The following ZRANB3 variants were observed in gnomAD, a reference collection of about 807,000 sequenced individuals.
ZRANB3 encodes zinc finger RANBP2-type containing 3.
A neutral mutation model predicts 133.8 loss-of-function variants in ZRANB3; 125 were observed. That is an observed-to-expected ratio of 0.93 (90% CI 0.81 to 1.08). The LOEUF is 1.08. Among genes scored for constraint, ZRANB3 ranks in the 50% least tolerant of loss-of-function variants. The pLI is 0.00. For missense variants in ZRANB3, 1,229 were observed against 1,275.5 expected (o/e 0.96, Z 0.56); for synonymous variants, 387 against 432.7 (o/e 0.89, Z 1.31).
chr2:135,511,936 A>G lies in ZRANB3; in HGVS notation c.-7-7440T>C, dbSNP rs936556722. Reference sequence around the variant, plus strand: ...AACCAGCAGGGGACTAGCCTTCTCCATCACCATTGCTTTGGTCAATTCAAA... The same window carrying G: ...AACCAGCAGGGGACTAGCCTTCTCCGTCACCATTGCTTTGGTCAATTCAAA... On this transcript the variant is annotated intron_variant, in intron 1 of 20. Coordinates refer to ENST00000264159, the MANE Select transcript of ZRANB3 (RefSeq NM_032143.4). The G allele has an allele frequency of 7.4e-5, 56 of 755,906 alleles. No homozygotes were observed. In the Admixed American group the frequency reaches 9.1e-4, roughly 12 times the overall value. The allele number at this position is 755,906 out of a possible 1,614,324, so 46.8% of individuals were successfully genotyped here. A position where few individuals can be genotyped will look rare whatever the true frequency, so the allele number is the denominator to read the frequency against.
At chr2:135,490,087 G>A (rs928001294) in intron 2 of ZRANB3, among the ~76,000 whole-genome samples, 2 of 152,146 alleles carry the variant, frequency 1.3e-5, no homozygotes, top group African/African-American at 4.8e-5. Flanking sequence ...CTTCTAAGTA[G>A]AAAAAAATCC....
chr2:135,214,751 A>T (rs1283173180), intron 17 of ZRANB3, among the ~76,000 whole-genome samples: 1 of 152,154 alleles, frequency 6.6e-6, no homozygotes, highest in Non-Finnish European at 1.5e-5. Context: ...ATATATTTTA[A>T]ATGTATTTTT....
Position 135,217,527 on chromosome 2 carries a change from A to G in ZRANB3, c.2433T>C (p.Cys811=). The G allele has an allele frequency of 1.2e-6, 2 of 1,613,800 alleles. No homozygotes were observed. The highest frequency in any genetic ancestry group is 1.7e-6 in the Non-Finnish European group (2 of 1,179,828). ...RIIRKSGQLF[C]SPILALEEIT... ...TCTCTTCCAAAGCAAGAATTGGGCT[A>G]CAGAATAGCTGTCCACTTTTCCTGA... Residue 811 remains cysteine, a synonymous_variant, in exon 17 of 21, where the codon TGT becomes TGC. Coordinates refer to ENST00000264159, the MANE Select transcript of ZRANB3 (RefSeq NM_032143.4).
chr2:135,264,433 T>C (rs1234801587), intron 12 of ZRANB3, among the ~76,000 whole-genome samples: 1 of 145,790 alleles, frequency 6.9e-6, no homozygotes, highest in East Asian at 2.0e-4. Context: ...GATCATGCCA[T>C]TGCACCCAGC....
At chr2:135,496,647 T>A (rs936741034) in intron 2 of ZRANB3, among the ~76,000 whole-genome samples, 15 of 152,154 alleles carry the variant, frequency 9.9e-5, no homozygotes, top group African/African-American at 3.6e-4. Flanking sequence ...CAGGCAGAGC[T>A]GAACTCGATA....
intron 2 of ZRANB3, among the ~76,000 whole-genome samples, chr2:135,498,648 CTT>C (rs1223555116): frequency 3.3e-5 from 5 of 152,200 alleles, no homozygotes; most frequent in Non-Finnish European, 7.4e-5. Flanking sequence ...CCATATCTCT[CTT>C]CTTTCAAAAG....
intron 12 of ZRANB3, among the ~76,000 whole-genome samples, chr2:135,262,565 T>A (rs1223236007): frequency 6.6e-6 from 1 of 152,114 alleles, no homozygotes; most frequent in Non-Finnish European, 1.5e-5. Context: ...GAGGATTGCT[T>A]GAGGCCAGAA....
At chr2:135,366,638 T>A (rs1317160839) in intron 3 of ZRANB3, among the ~76,000 whole-genome samples, 2 of 151,958 alleles carry the variant, frequency 1.3e-5, no homozygotes, top group African/African-American at 4.8e-5. Context: ...GCTGTTTAAA[T>A]TGAGTTAGGC....
chr2:135,308,456 C>G lies in ZRANB3; in HGVS notation c.966+5033G>C, dbSNP rs143443138. Among the ~76,000 whole-genome samples the G allele has an allele frequency of 2.9e-3, 441 of 152,296 alleles. 2 individuals carry two copies. The highest frequency in any genetic ancestry group is 0.01 in the African/African-American group (417 of 41,558). ...AACTTCTGCTCCACTAATGGATATG[C>G]TCTCAGGACTCCCAGCTAGCACCTG... On this transcript the variant is annotated intron_variant, in intron 8 of 20. Transcript: ENST00000264159.
At chr2:135,225,044 A>T (rs567852173) in intron 14 of ZRANB3, among the ~76,000 whole-genome samples, 15 of 152,280 alleles carry the variant, frequency 9.9e-5, no homozygotes, top group African/African-American at 2.6e-4. Context: ...TCTCAGTCCT[A>T]CTGTCCAATA....
At chr2:135,494,323 AGAAAAG>A (rs1692568196) in intron 2 of ZRANB3, among the ~76,000 whole-genome samples, 9 of 150,188 alleles carry the variant, frequency 6.0e-5, no homozygotes, top group South Asian at 4.2e-4. Flanking sequence ...AAAAAAAAAA[AGAAAAG>A]AAAAAAGAAG....
At chr2:135,428,032 G>C (rs1689168424) in intron 2 of ZRANB3, among the ~76,000 whole-genome samples, 1 of 152,110 alleles carries the variant, frequency 6.6e-6, no homozygotes, top group East Asian at 1.9e-4. Flanking sequence ...ACCTTCCTTT[G>C]ATCATACAAG....
At chr2:135,305,571 CCTTT>C (rs1477749487) in intron 8 of ZRANB3, among the ~76,000 whole-genome samples, 4 of 151,960 alleles carry the variant, frequency 2.6e-5, no homozygotes, top group South Asian at 2.1e-4. Flanking sequence ...ATCATTTGTT[CCTTT>C]CTTTCTCTCT....
chr2:135,289,344 C>T (rs1365021766), intron 8 of ZRANB3, among the ~76,000 whole-genome samples: 3 of 152,052 alleles, frequency 2.0e-5, no homozygotes, highest in South Asian at 2.1e-4. Context: ...CAGCCTCTGC[C>T]GCCCAGGTTC....
At chr2:135,445,662 G>C (rs536243916) in intron 2 of ZRANB3, among the ~76,000 whole-genome samples, 135 of 151,538 alleles carry the variant, frequency 8.9e-4, no homozygotes, top group African/African-American at 3.2e-3. Context: ...TGGATCACAA[G>C]GTCAGGAGTT....
At chr2:135,450,042 C>T (rs1043551644) in intron 2 of ZRANB3, among the ~76,000 whole-genome samples, 2 of 152,160 alleles carry the variant, frequency 1.3e-5, no homozygotes, top group African/African-American at 4.8e-5. Flanking sequence ...GCACCTGGTC[C>T]ACATTTTGTA....
Position 135,260,024 on chromosome 2 carries a change from A to G in ZRANB3, c.1539+5510T>C, listed in dbSNP as rs562051172. Among the ~76,000 whole-genome samples the G allele has an allele frequency of 2.2e-4, 33 of 152,346 alleles. No homozygotes were observed. In the South Asian group the frequency reaches 5.8e-3, roughly 27 times the overall value. On this transcript the variant is annotated intron_variant, in intron 12 of 20. Transcript: ENST00000264159. ...AGAGCTAGAGGAAGAGATACTTGTT[A>G]GATGAAGGCAGCAAAATGAAAACCA...
At chr2:135,296,160 T>C (rs1016191028) in intron 8 of ZRANB3, among the ~76,000 whole-genome samples, 1 of 152,220 alleles carries the variant, frequency 6.6e-6, no homozygotes, top group Non-Finnish European at 1.5e-5. Context: ...CTGGATAATA[T>C]CCTGCAGAGT....
intron 6 of ZRANB3, among the ~76,000 whole-genome samples, chr2:135,320,818 C>T (rs1338597982): frequency 6.6e-6 from 1 of 152,182 alleles, no homozygotes; most frequent in Non-Finnish European, 1.5e-5. Context: ...ATCCTTGGCT[C>T]CTGGCAACCA....
Sources: gnomAD v4.1 joint callset for allele counts (sites outside exome capture counted in the v4.1 genomes callset) on GRCh38, gnomAD v4.1.1 for gene constraint, MANE v1.5 for transcripts, NCBI Gene and HGNC (gene_info 2026-07-23, HGNC 2026-07-21) for gene names.